The following GABRB3 variants were observed in gnomAD, a reference collection of about 807,000 sequenced individuals.
The protein encoded by GABRB3 is gamma-aminobutyric acid type A receptor subunit beta3.
Under a neutral mutation model 52.1 loss-of-function variants are expected in GABRB3, and 14 were observed. The ratio of observed to expected loss-of-function variants is 0.27; its 90% CI spans 0.18 to 0.42. The LOEUF (loss-of-function observed/expected upper bound fraction) is 0.42, where lower values mean the gene tolerates loss of function less well. Ranked by LOEUF, GABRB3 falls within the 10% of genes least tolerant of loss-of-function variation. GABRB3 has a pLI of 1.00. For synonymous variants in GABRB3, 260 were observed against 232.3 expected, an observed-to-expected ratio of 1.12 and a Z score of -1.08; for missense variants, 307 against 609.1, an observed-to-expected ratio of 0.50 and a Z score of 5.22.
At chr15:26,751,348 G>A (rs1801869409) in intron 3 of GABRB3, among the ~76,000 whole-genome samples, 3 of 152,124 alleles carry the variant, frequency 2.0e-5, no homozygotes, top group Admixed American at 2.0e-4. Flanking sequence ...AGATGCTCAG[G>A]AATGTGTCCA....
chr15:26,747,068 A>G (rs1411673731), intron 3 of GABRB3, among the ~76,000 whole-genome samples: 1 of 152,216 alleles, frequency 6.6e-6, no homozygotes, highest in Admixed American at 6.5e-5. Flanking sequence ...TGACTATTCT[A>G]TTCCATTGAC....
chr15:26,707,198 T>C (rs1262158931), intron 3 of GABRB3, among the ~76,000 whole-genome samples: 3 of 152,112 alleles, frequency 2.0e-5, no homozygotes, highest in Non-Finnish European at 4.4e-5. Context: ...CACTGAGCAC[T>C]GTGGATAAGG....
intron 7 of GABRB3, among the ~76,000 whole-genome samples, chr15:26,564,863 A>G (rs762912043): frequency 5.9e-5 from 9 of 152,208 alleles, no homozygotes; most frequent in Non-Finnish European, 1.2e-4. Flanking sequence ...AGTAGACCAA[A>G]TAACTCTTTA....
chr15:26,710,208 G>T (rs1034456867), intron 3 of GABRB3, among the ~76,000 whole-genome samples: 1 of 152,230 alleles, frequency 6.6e-6, no homozygotes, highest in Middle Eastern at 3.4e-3. Flanking sequence ...TTAGTTTAGG[G>T]CTGTTTTGAA....
At position 26,675,700 on chromosome 15, in the gene GABRB3, G is replaced by T. The variant is rs114857915; in HGVS notation, c.241-54166C>A. On this transcript the variant is annotated intron_variant, in intron 3 of 8. Transcript: ENST00000311550. ...AGCAGAATGTGTTTATGTTGGAGGTGGGGGGAGGTCAGTCAATAGCAAAAT... is the reference window on the plus strand; with the variant it reads ...AGCAGAATGTGTTTATGTTGGAGGTTGGGGGAGGTCAGTCAATAGCAAAAT... 7.2e-3 allele frequency among the ~76,000 whole-genome samples: 1,091 copies of T among 152,164 alleles called. 16 individuals are homozygous for T. Among genetic ancestry groups the T allele is most frequent in the African/African-American group, 0.025 (1,028 of 41,508 alleles).
intron 7 of GABRB3, among the ~76,000 whole-genome samples, chr15:26,562,911 T>C (rs1890042090): frequency 6.6e-6 from 1 of 152,264 alleles, no homozygotes; most frequent in Admixed American, 6.5e-5. Flanking sequence ...CAGAATATTT[T>C]AAGATTCTCT....
intron 6 of GABRB3, among the ~76,000 whole-genome samples, chr15:26,576,414 AGT>A (rs1392694736): frequency 6.6e-6 from 1 of 152,224 alleles, no homozygotes; most frequent in African/African-American, 2.4e-5. Context: ...ATGTATTAGT[AGT>A]GCAAATTAAA....
At chr15:26,773,098 G>A (rs1426074145), upstream of GABRB3, 39 of 873,408 alleles carry the variant, frequency 4.5e-5, no homozygotes, top group East Asian at 8.9e-5. Context: ...GAGGGGGAGG[G>A]GAGGAGGGGG....
At chr15:26,745,762 C>T (rs758508576) in intron 3 of GABRB3, among the ~76,000 whole-genome samples, 20 of 152,146 alleles carry the variant, frequency 1.3e-4, no homozygotes, top group South Asian at 2.1e-4. Flanking sequence ...ATTCCATGAG[C>T]GCCATCCAAT....
chr15:26,746,399 G>C (rs919012330), intron 3 of GABRB3, among the ~76,000 whole-genome samples: 5 of 151,642 alleles, frequency 3.3e-5, no homozygotes, highest in Non-Finnish European at 5.9e-5. Flanking sequence ...TAAGTGTACG[G>C]AGTCTTTAGA....
rs147595964 is a variant in GABRB3 at position 26,684,257 on chromosome 15, G to A, written c.241-62723C>T. On this transcript the variant is annotated intron_variant, in intron 3 of 8. Coordinates refer to ENST00000311550, the MANE Select transcript of GABRB3 (RefSeq NM_000814.6). Reference sequence around the variant, plus strand: ...ACCCAGGAGGATGGAAATTGACAACGAAGAGACAATAGGTACACCCCCACA... The same window carrying A: ...ACCCAGGAGGATGGAAATTGACAACAAAGAGACAATAGGTACACCCCCACA... 2.1e-3 allele frequency among the ~76,000 whole-genome samples: 324 copies of A among 152,210 alleles called. 3 individuals carry two copies. Among genetic ancestry groups the A allele is most frequent in the African/African-American group, 7.2e-3 (298 of 41,522 alleles).
At chr15:26,637,036 A>G (rs1283810631) in intron 3 of GABRB3, among the ~76,000 whole-genome samples, 1 of 152,150 alleles carries the variant, frequency 6.6e-6, no homozygotes, top group Non-Finnish European at 1.5e-5. Flanking sequence ...AAGTCAGATC[A>G]TTTGCTCTCC....
intron 8 of GABRB3, among the ~76,000 whole-genome samples, chr15:26,552,235 G>A (rs766527266): frequency 2.6e-5 from 4 of 152,106 alleles, no homozygotes; most frequent in African/African-American, 7.2e-5. Flanking sequence ...TCAAACTCCC[G>A]ACCTCAGGTG....
intron 3 of GABRB3, among the ~76,000 whole-genome samples, chr15:26,765,755 TATA>T (rs1890980491): frequency 1.3e-5 from 2 of 152,074 alleles, no homozygotes; most frequent in Admixed American, 6.5e-5. Flanking sequence ...CATTTAACAC[TATA>T]ATAAGTGTTG....
rs926308800 is a variant in GABRB3, at chr15:26,621,594, C to T, written c.241-60G>A. 6 of 1,337,342 alleles carry T rather than the reference C, an allele frequency of 4.5e-6. No homozygotes were observed. Among genetic ancestry groups the T allele is most frequent in the Middle Eastern group, 2.0e-4 (1 of 5,102 alleles). The allele number at this position is 1,337,342 out of a possible 1,614,324, so 82.8% of individuals were successfully genotyped here. A position where few individuals can be genotyped will look rare whatever the true frequency, so the allele number is the denominator to read the frequency against. On this transcript the variant is annotated intron_variant, in intron 3 of 8. Transcript: ENST00000311550. This position sits in a 1 kb window ranked among gnomAD's most constrained non-coding sequence, Gnocchi z 4.1. ...TACCCAGCCACAGGTGTATTTCCTC[C>T]ACGACCAGCCAAATTCAGGTTGCAA...
intron 3 of GABRB3, among the ~76,000 whole-genome samples, chr15:26,704,882 T>A (rs1889048722): frequency 6.6e-6 from 1 of 152,088 alleles, no homozygotes; most frequent in Non-Finnish European, 1.5e-5. Context: ...TCCCTTCACC[T>A]CTCCTCTTCT....
chr15:26,559,451 G>C (rs530618204), intron 8 of GABRB3, among the ~76,000 whole-genome samples: 1 of 151,866 alleles, frequency 6.6e-6, no homozygotes, highest in Admixed American at 6.6e-5. Context: ...CCCAGTCTCA[G>C]GTATTCCTTT....
chr15:26,725,922 C>T (rs1167140699), intron 3 of GABRB3, among the ~76,000 whole-genome samples: 1 of 152,242 alleles, frequency 6.6e-6, no homozygotes, highest in African/African-American at 2.4e-5. Flanking sequence ...GGTTGTTCAG[C>T]ATCACCACCA....
intron 3 of GABRB3, among the ~76,000 whole-genome samples, chr15:26,628,550 C>A (rs1008927945): frequency 6.6e-6 from 1 of 152,134 alleles, no homozygotes; most frequent in African/African-American, 2.4e-5. Flanking sequence ...CTGATCTAAA[C>A]CTAGAAGTAA....
Sources: gnomAD v4.1 joint callset for allele counts (sites outside exome capture counted in the v4.1 genomes callset) on GRCh38, gnomAD v4.1.1 for gene constraint, Gnocchi (gnomAD v3.1) non-coding constraint, MANE v1.5 for transcripts, NCBI Gene and HGNC (gene_info 2026-07-23, HGNC 2026-07-21) for gene names.